TRPC5: variants seen among roughly 807,000 people sequenced by gnomAD.
TRPC5 encodes the protein short transient receptor potential channel 5.
In TRPC5, 9 loss-of-function variants were observed where a neutral mutation model predicts 56.5. The ratio of observed to expected loss-of-function variants is 0.16; its 90% CI spans 0.10 to 0.28. The LOEUF (loss-of-function observed/expected upper bound fraction) is 0.28. Ranked by LOEUF, TRPC5 falls within the 10% of genes least tolerant of loss-of-function variation. TRPC5 has a pLI of 1.00. For synonymous variants in TRPC5, 282 were observed against 278.5 expected (o/e 1.01, Z -0.13); for missense variants, 469 against 748.9 (o/e 0.63, Z 4.36).
chrX:112,002,557 C>A (rs1039278030), intron 1 of TRPC5, among the ~76,000 whole-genome samples: 5 of 111,869 alleles, frequency 4.5e-5, no homozygotes, highest in African/African-American at 1.6e-4. Flanking sequence ...TACAAACAAA[C>A]CAACTCCAAG....
intron 1 of TRPC5, among the ~76,000 whole-genome samples, chrX:112,033,147 C>A (rs2147720479): frequency 1.0e-5 from 1 of 97,062 alleles, no homozygotes; most frequent in Admixed American, 1.3e-4. Flanking sequence ...CATGTTCTCA[C>A]TCATAGGTGG....
At chrX:111,870,030 C>G (rs1923694826) in intron 3 of TRPC5, among the ~76,000 whole-genome samples, 1 of 111,786 alleles carries the variant, frequency 8.9e-6, no homozygotes, top group African/African-American at 3.3e-5. Flanking sequence ...AAGCAGAAAG[C>G]ATGCTAATGA....
intron 1 of TRPC5, among the ~76,000 whole-genome samples, chrX:111,954,744 A>G (rs1927186618): frequency 9.0e-6 from 1 of 111,522 alleles, no homozygotes; most frequent in Admixed American, 9.6e-5. Context: ...CATTACTGCT[A>G]CAGGAAGATC....
intron 3 of TRPC5, among the ~76,000 whole-genome samples, chrX:111,891,664 C>T (rs1924814007): frequency 9.0e-6 from 1 of 111,447 alleles, no homozygotes; most frequent in African/African-American, 3.3e-5. Flanking sequence ...CCTCAGCCTC[C>T]AGAGTAGCTG....
chrX:111,908,212 G>A lies in TRPC5; in HGVS notation c.900+4079C>T, dbSNP rs186480895. 7.1e-3 allele frequency among the ~76,000 whole-genome samples: 792 copies of A among 111,379 alleles called. 6 individuals are homozygous for A. Among genetic ancestry groups the A allele is most frequent in the African/African-American group, 0.024 (745 of 30,699 alleles). ...TACAGTTTTTTTTTCTAGAAATGAA[G>A]TCACAATTCAGAAGGGATTTATAGA... On this transcript the variant is annotated intron_variant, in intron 3 of 10. Coordinates refer to ENST00000262839, the MANE Select transcript of TRPC5 (RefSeq NM_012471.3).
chrX:112,004,456 T>C (rs1928780767), intron 1 of TRPC5, among the ~76,000 whole-genome samples: 2 of 112,067 alleles, frequency 1.8e-5, no homozygotes, highest in South Asian at 7.4e-4. Flanking sequence ...CAGATCCCAC[T>C]AGAGTCATTT....
Position 111,912,812 on chromosome X carries a change from C to A in TRPC5, c.379G>T (p.Val127Phe). 1 of 1,192,549 alleles carries A rather than the reference C, an allele frequency of 8.4e-7. No individual in the cohort carries two copies. Among genetic ancestry groups the A allele is most frequent in the East Asian group, 3.0e-5 (1 of 33,731 alleles). Reference sequence around the variant, plus strand: ...TGCGTGTCCATCATCAGAGTGGGGACCTAGGTACAAGAAATGAGAAGAATA... The same window carrying A: ...TGCGTGTCCATCATCAGAGTGGGGAACTAGGTACAAGAAATGAGAAGAATA... Reference protein sequence around the residue: ...SYRRPSGEKQVPTLMMDTQFS... With the variant: ...SYRRPSGEKQFPTLMMDTQFS... The change falls in exon 3 of 11, where the codon GTC becomes TTC. Residue 127 changes from valine (V) to phenylalanine (F), a missense_variant and splice_region_variant. Physicochemically the swap from Val to Phe is conservative, Grantham distance 50. This residue lies in a region of TRPC5 where 118 missense variants were observed against 167.1 expected (regional missense o/e 0.71). Coordinates refer to ENST00000262839, the MANE Select transcript of TRPC5 (RefSeq NM_012471.3).
At chrX:111,850,233 T>A (rs1923045939) in intron 5 of TRPC5, among the ~76,000 whole-genome samples, 1 of 111,457 alleles carries the variant, frequency 9.0e-6, no homozygotes, top group Non-Finnish European at 1.9e-5. Context: ...ATTTGTAGAA[T>A]CATCTGGGGG....
chrX:111,827,499 A>C (rs1922274858), intron 7 of TRPC5, among the ~76,000 whole-genome samples: 1 of 108,548 alleles, frequency 9.2e-6, no homozygotes, highest in Non-Finnish European at 1.9e-5. Context: ...CTCCTTTCCT[A>C]CTCTTCCCCA....
At chrX:111,932,686 G>C (rs1926449333) in intron 2 of TRPC5, among the ~76,000 whole-genome samples, 1 of 111,270 alleles carries the variant, frequency 9.0e-6, no homozygotes, top group Admixed American at 9.5e-5. Context: ...CAACTAAACA[G>C]CCATTCAATC....
chrX:111,952,929 G>A (rs1927131882), intron 1 of TRPC5, among the ~76,000 whole-genome samples: 1 of 111,697 alleles, frequency 9.0e-6, no homozygotes, highest in Non-Finnish European at 1.9e-5. Flanking sequence ...TCTGGTGCCT[G>A]AAAATATTCA....
rs1416407344 is a variant in TRPC5, at chrX:111,923,786, G to T, written c.379-10974C>A. 6.3e-5 allele frequency among the ~76,000 whole-genome samples: 7 copies of T among 111,593 alleles called. No individual in the cohort carries two copies. In the Admixed American group the frequency reaches 6.7e-4, roughly 11 times the overall value. ...GAATCAAAAAATGAGTCAATCAGCAGATGTGGGTTATTATTGAGATGGGAA... is the reference window on the plus strand; with the variant it reads ...GAATCAAAAAATGAGTCAATCAGCATATGTGGGTTATTATTGAGATGGGAA... On this transcript the variant is annotated intron_variant, in intron 2 of 10. Coordinates refer to ENST00000262839, the MANE Select transcript of TRPC5 (RefSeq NM_012471.3).
chrX:111,782,156 G>A lies in TRPC5; in HGVS notation c.1897-18C>T, dbSNP rs370135461. On this transcript the variant is annotated intron_variant, in intron 7 of 10. Coordinates refer to ENST00000262839, the MANE Select transcript of TRPC5 (RefSeq NM_012471.3). ...GCATGATCCTATGAAAGATAATGAAGTTCAAGGATTTGGGATGGGAAACTG... is the reference window on the plus strand; with the variant it reads ...GCATGATCCTATGAAAGATAATGAAATTCAAGGATTTGGGATGGGAAACTG... 6.5e-4 allele frequency: 772 copies of A among 1,181,914 alleles called. No homozygotes were observed. The highest frequency in any genetic ancestry group is 8.1e-4 in the Non-Finnish European group (709 of 877,880).
rs934322432 is a variant in TRPC5, at chrX:111,960,685, C to T, written c.-21-8244G>A. ...CAGGCCATCAGAAATGAGCCTGTCCCATTTCCGTTGCCCCTTTACTTTGGA... is the reference window on the plus strand; with the variant it reads ...CAGGCCATCAGAAATGAGCCTGTCCTATTTCCGTTGCCCCTTTACTTTGGA... On this transcript the variant is annotated intron_variant, in intron 1 of 10. Transcript: ENST00000262839. 2.7e-5 allele frequency among the ~76,000 whole-genome samples: 3 copies of T among 111,908 alleles called. No homozygotes were observed. The Admixed American group carries it at 2.8e-4, about 11-fold the overall frequency.
At chrX:111,804,644 C>T (rs1921435094) in intron 7 of TRPC5, among the ~76,000 whole-genome samples, 1 of 111,331 alleles carries the variant, frequency 9.0e-6, no homozygotes, top group African/African-American at 3.3e-5. Flanking sequence ...CATGATTTGG[C>T]TCTCTGTTTG....
intron 7 of TRPC5, among the ~76,000 whole-genome samples, chrX:111,807,275 TGCCTGTGTATTTTCAAATA>T (rs1187297904): frequency 2.7e-5 from 3 of 111,772 alleles, no homozygotes; most frequent in Non-Finnish European, 5.6e-5. Context: ...TTGTTTCCTC[TGCCTGTGTATTTTCAAATA>T]GCCTGTCTTC....
At chrX:111,835,531 G>T (rs1177881602) in intron 6 of TRPC5, among the ~76,000 whole-genome samples, 1 of 112,071 alleles carries the variant, frequency 8.9e-6, no homozygotes, top group African/African-American at 3.2e-5. Flanking sequence ...GCTCACGCTT[G>T]TAATCCCAGC....
At chrX:111,842,982 A>T (rs1922806283) in intron 6 of TRPC5, among the ~76,000 whole-genome samples, 1 of 112,611 alleles carries the variant, frequency 8.9e-6, no homozygotes, top group African/African-American at 3.2e-5. Context: ...AAAACTGGTG[A>T]AATCTGAATG....
chrX:111,986,311 T>G (rs1928208573), intron 1 of TRPC5, among the ~76,000 whole-genome samples: 1 of 101,049 alleles, frequency 9.9e-6, no homozygotes, highest in South Asian at 3.7e-4. Context: ...CTGATTCAAC[T>G]TTATGTTCCA....
Sources: allele counts gnomAD v4.1 joint callset (sites outside exome capture counted in the v4.1 genomes callset), GRCh38; gene constraint gnomAD v4.1.1; regional missense constraint gnomAD v4.1.1; transcripts MANE v1.5; gene names NCBI Gene and HGNC (gene_info 2026-07-23, HGNC 2026-07-21).